B3GALT1: variants seen among roughly 807,000 people sequenced by gnomAD.
The protein encoded by B3GALT1 is UDP-Gal:betaGlcNAc beta 1,3-galactosyltransferase, polypeptide 1.
B3GALT1 carries 10 observed loss-of-function variants against 23.2 expected under a neutral mutation model. The ratio of observed to expected loss-of-function variants is 0.43; its 90% CI spans 0.27 to 0.73. The LOEUF is 0.73. Ranked by LOEUF, B3GALT1 falls within the 30% of genes least tolerant of loss-of-function variation. The probability of loss-of-function intolerance (pLI) is 0.21; values close to 1 mark genes in which losing one functional copy is unlikely to be tolerated. For missense variants in B3GALT1, 299 were observed against 405.4 expected (o/e 0.74, Z 2.25); for synonymous variants, 156 against 141.5 (o/e 1.10, Z -0.73).
chr2:167,741,892 G>C (rs35997184), intron 3 of B3GALT1, among the ~76,000 whole-genome samples: 20,704 of 152,188 alleles, frequency 0.14, 1,730 homozygotes, highest in Non-Finnish European at 0.19. Flanking sequence ...ATAACTTACT[G>C]AGAGTATATG....
chr2:167,717,579 A>T (rs1455424429), intron 3 of B3GALT1, among the ~76,000 whole-genome samples: 1 of 152,074 alleles, frequency 6.6e-6, no homozygotes, highest in African/African-American at 2.4e-5. Context: ...GTTGCAACAT[A>T]ATATTCTACT....
intron 2 of B3GALT1, among the ~76,000 whole-genome samples, chr2:167,527,520 C>T (rs989383576): frequency 8.6e-5 from 13 of 151,950 alleles, no homozygotes; most frequent in African/African-American, 3.1e-4. Context: ...TCATGTTATG[C>T]CATTTATTTA....
At chr2:167,866,037 C>T (rs2105439017) in intron 4 of B3GALT1, among the ~76,000 whole-genome samples, 1 of 152,216 alleles carries the variant, frequency 6.6e-6, no homozygotes, top group East Asian at 1.9e-4. Context: ...ACACACCATC[C>T]TCTCTCTCAT....
At chr2:167,328,004 T>A (rs1696920952) in intron 1 of B3GALT1, among the ~76,000 whole-genome samples, 1 of 152,234 alleles carries the variant, frequency 6.6e-6, no homozygotes, top group African/African-American at 2.4e-5. Context: ...TTCCTTCTGG[T>A]GATGTGATGT....
At chr2:167,800,024 A>G (rs1051439633) in intron 3 of B3GALT1, among the ~76,000 whole-genome samples, 2 of 152,172 alleles carry the variant, frequency 1.3e-5, no homozygotes, top group Non-Finnish European at 2.9e-5. Context: ...TCACCAGAGC[A>G]AGGATTTTTA....
intron 2 of B3GALT1, among the ~76,000 whole-genome samples, chr2:167,586,249 G>T (rs902773282): frequency 6.6e-6 from 1 of 152,140 alleles, no homozygotes; most frequent in South Asian, 2.1e-4. Flanking sequence ...AATGTGCAAA[G>T]TCCAGGAGGC....
At chr2:167,570,434 G>A (rs540385885) in intron 2 of B3GALT1, among the ~76,000 whole-genome samples, 15 of 151,908 alleles carry the variant, frequency 9.9e-5, no homozygotes, top group South Asian at 2.1e-4. Flanking sequence ...ATTTGTGAGC[G>A]TACAGTTGTT....
At chr2:167,687,856 A>G (rs1276265160) in intron 3 of B3GALT1, among the ~76,000 whole-genome samples, 3 of 152,178 alleles carry the variant, frequency 2.0e-5, no homozygotes, top group Non-Finnish European at 4.4e-5. Flanking sequence ...TCAGAGCCTT[A>G]TTCAAAATCA....
intron 1 of B3GALT1, among the ~76,000 whole-genome samples, chr2:167,362,184 T>A (rs1697510377): frequency 6.6e-6 from 1 of 152,190 alleles, no homozygotes; most frequent in African/African-American, 2.4e-5. Flanking sequence ...TATAATATTT[T>A]GTAAATTCTT....
intron 1 of B3GALT1, among the ~76,000 whole-genome samples, chr2:167,349,935 C>A (rs1240241042): frequency 6.6e-6 from 1 of 151,856 alleles, no homozygotes; most frequent in Non-Finnish European, 1.5e-5. Context: ...GGAATGTAAC[C>A]CCAATCAATA....
chr2:167,378,451 G>A (rs1479232545), intron 1 of B3GALT1, among the ~76,000 whole-genome samples: 1 of 151,914 alleles, frequency 6.6e-6, no homozygotes, highest in Admixed American at 6.6e-5. Context: ...TCTCTCTCAG[G>A]AATGTCAAGA....
At chr2:167,560,991 A>G (rs1170696596) in intron 2 of B3GALT1, among the ~76,000 whole-genome samples, 3 of 151,918 alleles carry the variant, frequency 2.0e-5, no homozygotes. Context: ...ACCCCAAATC[A>G]ACAGAATATA....
chr2:167,537,391 GA>G (rs1336783364), intron 2 of B3GALT1, among the ~76,000 whole-genome samples: 3 of 151,300 alleles, frequency 2.0e-5, no homozygotes, highest in East Asian at 3.9e-4. Flanking sequence ...GATCAAAAAG[GA>G]AAAAAAATTA....
intron 3 of B3GALT1, among the ~76,000 whole-genome samples, chr2:167,663,840 C>G (rs1230446667): frequency 6.6e-6 from 1 of 152,084 alleles, no homozygotes; most frequent in East Asian, 1.9e-4. Flanking sequence ...TGTTGGAGTT[C>G]ATTGTAGATT....
At chr2:167,735,851 A>G (rs567564789) in intron 3 of B3GALT1, among the ~76,000 whole-genome samples, 3 of 152,228 alleles carry the variant, frequency 2.0e-5, no homozygotes, top group Non-Finnish European at 4.4e-5. Flanking sequence ...ATGGTCACCT[A>G]GTAAGTGGTA....
At chr2:167,611,900 A>G (rs1336318001) in intron 2 of B3GALT1, among the ~76,000 whole-genome samples, 3 of 152,100 alleles carry the variant, frequency 2.0e-5, no homozygotes, top group East Asian at 1.9e-4. Flanking sequence ...ATCATTTACA[A>G]TGTGAGAAAT....
intron 4 of B3GALT1, among the ~76,000 whole-genome samples, chr2:167,843,566 CTT>C (rs1441097911): frequency 6.6e-6 from 1 of 152,186 alleles, no homozygotes; most frequent in Admixed American, 6.5e-5. Context: ...AGTGATGTGT[CTT>C]TGTCATTCCT....
chr2:167,703,493 G>A (rs1218703116), intron 3 of B3GALT1, among the ~76,000 whole-genome samples: 3 of 80,574 alleles, frequency 3.7e-5, no homozygotes, highest in Admixed American at 1.4e-4. Context: ...GGTACTGAAG[G>A]ATTAAAATTA....
At chr2:167,512,844 A>G (rs1341777482) in intron 2 of B3GALT1, among the ~76,000 whole-genome samples, 1 of 147,848 alleles carries the variant, frequency 6.8e-6, no homozygotes, top group East Asian at 2.0e-4. Flanking sequence ...GTGTTTTGCC[A>G]TGTTGCCAAG....
Sources: allele counts gnomAD v4.1 joint callset (sites outside exome capture counted in the v4.1 genomes callset), GRCh38; gene constraint gnomAD v4.1.1; transcripts MANE v1.5; gene names NCBI Gene and HGNC (gene_info 2026-07-23, HGNC 2026-07-21).